The following SQSTM1 variants were observed in gnomAD, a reference collection of about 807,000 sequenced individuals.
SQSTM1 encodes the protein sequestosome 1, also known as sequestosome-1.
Under a neutral mutation model 45.1 loss-of-function variants are expected in SQSTM1, and 36 were observed. The observed-to-expected ratio is 0.80, with a 90% CI of 0.61 to 1.05. The LOEUF (loss-of-function observed/expected upper bound fraction) is 1.05, where lower values mean the gene tolerates loss of function less well. Ranked by LOEUF, SQSTM1 falls within the 50% of genes least tolerant of loss-of-function variation. The probability of loss-of-function intolerance (pLI) is 0.00; values close to 1 mark genes in which losing one functional copy is unlikely to be tolerated. For synonymous variants in SQSTM1, 290 were observed against 244.3 expected (o/e 1.19, Z -1.74); for missense variants, 617 against 607.1 (o/e 1.02, Z -0.17).
chr5:179,832,275 C>T (rs1408196852), intron 5 of SQSTM1, among the ~76,000 whole-genome samples: 6 of 152,212 alleles, frequency 3.9e-5, no homozygotes, highest in Non-Finnish European at 5.9e-5. Context: ...CCTTTGGCAA[C>T]TGGTGACTCT....
intron 1 of SQSTM1, among the ~76,000 whole-genome samples, chr5:179,809,846 G>C (rs1219472643): frequency 6.6e-6 from 1 of 151,444 alleles, no homozygotes; most frequent in African/African-American, 2.4e-5. Flanking sequence ...GTTTCACCAT[G>C]TTGGTCAGGC....
At position 179,820,940 on chromosome 5, in the gene SQSTM1, G is replaced by A; in HGVS notation, c.4G>A (p.Ala2Thr). 1 of 1,552,244 alleles carries A rather than the reference G, an allele frequency of 6.4e-7. No homozygotes were observed. Among genetic ancestry groups the A allele is most frequent in the Non-Finnish European group, 8.7e-7 (1 of 1,155,060 alleles). The stretch of plus-strand genomic sequence containing the variant: ...TTCCGCCAGCTCGCCGCTCGCTATG[G>A]CGTCGCTCACCGTGAAGGCCTACCT... M[A>T]SLTVKAYLLG... Residue 2 changes from alanine (A) to threonine (T), a missense_variant, in exon 1 of 8, where the codon GCG becomes ACG. Physicochemically the swap from Ala to Thr is moderately conservative, Grantham distance 58. Coordinates refer to ENST00000389805, the MANE Select transcript of SQSTM1 (RefSeq NM_003900.5).
intron 1 of SQSTM1, 73 bp downstream of exon 1, chr5:179,821,214 C>T (rs935021416): frequency 7.8e-7 from 1 of 1,286,034 alleles, no homozygotes; most frequent in African/African-American, 1.6e-5. Flanking sequence ...GTGGCTGCCC[C>T]CTCCCTTCTC....
At chr5:179,828,098 AGT>A (rs1758070613) in intron 5 of SQSTM1, among the ~76,000 whole-genome samples, 1 of 152,190 alleles carries the variant, frequency 6.6e-6, no homozygotes, top group Non-Finnish European at 1.5e-5. Flanking sequence ...AGCATCGTCT[AGT>A]CTTTTTTTTA....
Position 179,806,540 on chromosome 5 carries a change from C to T in SQSTM1, c.-208C>T. ...GGACAGCGAGAGGAAGGCGCACAGG[C>T]AGAAGAGCAGCAGCGTCAGGAAGGT... On this transcript the variant is annotated 5_prime_UTR_variant, in exon 1 of 6. Coordinates refer to the SQSTM1 transcript ENST00000514093. The surrounding 1 kb of genome is among the most constrained non-coding windows in gnomAD (Gnocchi z 4.6). 3 of 1,334,510 alleles carry T rather than the reference C, an allele frequency of 2.2e-6. No homozygotes were observed. Among genetic ancestry groups the T allele is most frequent in the East Asian group, 4.3e-5 (1 of 23,186 alleles). 82.7% of individuals were successfully genotyped at this position (1,334,510 alleles called of 1,614,324 possible).
At chr5:179,822,669 G>A in intron 1 of SQSTM1, 1 of 430,098 alleles carries the variant, frequency 2.3e-6, no homozygotes, top group East Asian at 5.1e-5. Flanking sequence ...AAAGGCAGCT[G>A]GCCCAAGGCT....
At chr5:179,834,158 G>GC (rs1179053480) in intron 7 of SQSTM1, among the ~76,000 whole-genome samples, 14 of 118,136 alleles carry the variant, frequency 1.2e-4, no homozygotes, top group Admixed American at 7.8e-5. Flanking sequence ...GGTCTGAGAG[G>GC]GGGGGGGGTC....
chr5:179,821,460 C>G, intron 1 of SQSTM1: 2 of 579,082 alleles, frequency 3.5e-6, no homozygotes, highest in South Asian at 3.1e-5. Context: ...GGGATTTTGG[C>G]AAGGACGCGC....
At chr5:179,821,644 T>C in intron 1 of SQSTM1, 1 of 408,154 alleles carries the variant, frequency 2.5e-6, no homozygotes, top group East Asian at 9.2e-5. Flanking sequence ...TGCGGGGGAC[T>C]CGCGAGCGCC....
upstream of SQSTM1, among the ~76,000 whole-genome samples, chr5:179,817,647 G>C (rs1170412895): frequency 6.6e-6 from 1 of 152,196 alleles, no homozygotes; most frequent in Admixed American, 6.5e-5. Context: ...CAAACCCCTT[G>C]TGGGCGTGCC....
At chr5:179,810,356 A>G (rs1406982426) in intron 1 of SQSTM1, among the ~76,000 whole-genome samples, 1 of 152,088 alleles carries the variant, frequency 6.6e-6, no homozygotes, top group Non-Finnish European at 1.5e-5. Context: ...CCTATGAGTG[A>G]GAACATGCGG....
At chr5:179,825,827 T>C (rs116380563) in intron 5 of SQSTM1, among the ~76,000 whole-genome samples, 2,551 of 152,002 alleles carry the variant, frequency 0.017, 91 homozygotes, top group African/African-American at 0.059. Context: ...GACCCCTCCC[T>C]GCTGGGCTTT....
chr5:179,809,040 T>G (rs1420497914), intron 1 of SQSTM1, among the ~76,000 whole-genome samples: 13 of 149,974 alleles, frequency 8.7e-5, no homozygotes, highest in African/African-American at 2.9e-4. Flanking sequence ...TGTATTTTTA[T>G]TAGAGACGGG....
intron 6 of SQSTM1, 55 bp from the exon 7 acceptor site, chr5:179,833,532 C>A: frequency 6.3e-7 from 1 of 1,588,908 alleles, no homozygotes; most frequent in South Asian, 1.1e-5. Flanking sequence ...GGGCCATGGT[C>A]AGGCTTGGCC....
chr5:179,824,276 G>C lies in SQSTM1; in HGVS notation c.626G>C (p.Arg209Pro). ...EMGPPGNWSP[R>P]PPRAGEARPG... ...GGTCCACCAGGAAACTGGAGCCCAC[G>C]TCCTCCTCGTGCAGGGGAGGCCCGC... The change falls in exon 4 of 8, where the codon CGT (arginine) becomes CCT (proline). Residue 209 changes from arginine to proline, a missense_variant. Physicochemically the swap from Arg to Pro is moderately radical, Grantham distance 103. Coordinates refer to ENST00000389805, the MANE Select transcript of SQSTM1 (RefSeq NM_003900.5). 2 of 1,613,766 alleles carry C rather than the reference G, an allele frequency of 1.2e-6. No individual in the cohort carries two copies. Among genetic ancestry groups the C allele is most frequent in the Non-Finnish European group, 1.7e-6 (2 of 1,180,034 alleles).
At chr5:179,825,311 T>A in intron 5 of SQSTM1, 85 bp downstream of exon 5, 1 of 1,170,354 alleles carries the variant, frequency 8.5e-7, no homozygotes, top group Non-Finnish European at 1.3e-6. Context: ...AAGGAATGGG[T>A]AATTGACATG....
chr5:179,827,733 C>T (rs181280729), intron 5 of SQSTM1, among the ~76,000 whole-genome samples: 66 of 152,286 alleles, frequency 4.3e-4, no homozygotes, highest in Non-Finnish European at 7.2e-4. Context: ...AGTGGAGGAG[C>T]GGCTTAGACT....
chr5:179,815,033 G>A (rs1053726335), upstream of SQSTM1, among the ~76,000 whole-genome samples: 3 of 152,178 alleles, frequency 2.0e-5, no homozygotes, highest in Non-Finnish European at 4.4e-5. Context: ...GGTGGCTTGA[G>A]GGGGAGCATA....
chr5:179,824,990 G>C (rs1014375352), intron 4 of SQSTM1, among the ~76,000 whole-genome samples, 156 bp from the exon 5 acceptor site: 1 of 152,106 alleles, frequency 6.6e-6, no homozygotes, highest in African/African-American at 2.4e-5. Flanking sequence ...TGCAGAGTGG[G>C]AGGAAGGAGA....
Sources: gnomAD v4.1 joint callset for allele counts (sites outside exome capture counted in the v4.1 genomes callset) on GRCh38, gnomAD v4.1.1 for gene constraint, Gnocchi (gnomAD v3.1) non-coding constraint, MANE v1.5 for transcripts, NCBI Gene and HGNC (gene_info 2026-07-23, HGNC 2026-07-21) for gene names.